The following YIPF7 variants were observed in gnomAD, a reference collection of about 807,000 sequenced individuals.
YIPF7 encodes Yip1 domain family member 7, also known as protein YIPF7.
A neutral mutation model predicts 27.2 loss-of-function variants in YIPF7; 35 were observed. The observed-to-expected ratio is 1.29, with a 90% CI of 0.98 to 1.70. The LOEUF is 1.70. Among genes scored for constraint, YIPF7 ranks in the 40% most tolerant of loss-of-function variants. The probability of loss-of-function intolerance (pLI) is 0.00; values close to 1 mark genes in which losing one functional copy is unlikely to be tolerated. For synonymous variants in YIPF7, 137 were observed against 110.4 expected (o/e 1.24, Z -1.51); for missense variants, 358 against 303.7 (o/e 1.18, Z -1.33).
chr4:44,657,399 T>C (rs1713928102), intron 2 of YIPF7, among the ~76,000 whole-genome samples: 1 of 152,186 alleles, frequency 6.6e-6, no homozygotes, highest in South Asian at 2.1e-4. Context: ...CATGACAAAA[T>C]AATGTTTTAA....
chr4:44,642,438 C>A (rs1470455207), intron 2 of YIPF7, among the ~76,000 whole-genome samples: 2 of 143,172 alleles, frequency 1.4e-5, no homozygotes, highest in Middle Eastern at 3.7e-3. Context: ...TATCTTATAT[C>A]TTTGTATACC....
chr4:44,628,561 C>G (rs1486196498), intron 4 of YIPF7, among the ~76,000 whole-genome samples: 1 of 152,088 alleles, frequency 6.6e-6, no homozygotes, highest in African/African-American at 2.4e-5. Flanking sequence ...TGAAACTATA[C>G]TTTTCAGACT....
chr4:44,654,661 T>C (rs922277577), upstream of YIPF7, among the ~76,000 whole-genome samples: 2 of 151,952 alleles, frequency 1.3e-5, no homozygotes, highest in African/African-American at 4.8e-5. Context: ...ATTCTTAAAG[T>C]CTTTACCCTT....
At chr4:44,639,706 A>G (rs1713262132) in intron 2 of YIPF7, among the ~76,000 whole-genome samples, 1 of 152,098 alleles carries the variant, frequency 6.6e-6, no homozygotes, top group Admixed American at 6.6e-5. Context: ...ATTTCTCTAG[A>G]TAAGATTTCC....
upstream of YIPF7, among the ~76,000 whole-genome samples, chr4:44,652,329 C>A (rs1331150491): frequency 6.6e-6 from 1 of 152,172 alleles, no homozygotes. Flanking sequence ...CTAATACTAT[C>A]AATTCTATCT....
At chr4:44,651,741 T>C (rs1713746510), upstream of YIPF7, 1 of 548,696 alleles carries the variant, frequency 1.8e-6, no homozygotes, top group African/African-American at 1.9e-5. Flanking sequence ...ATACAGTATC[T>C]TATAACACTT....
At chr4:44,637,631 G>A (rs1429507422) in intron 2 of YIPF7, among the ~76,000 whole-genome samples, 1 of 152,032 alleles carries the variant, frequency 6.6e-6, no homozygotes, top group East Asian at 1.9e-4. Context: ...GGGAACAGGT[G>A]GTATTTGGTT....
At chr4:44,654,785 T>A (rs1713837926), upstream of YIPF7, among the ~76,000 whole-genome samples, 1 of 151,986 alleles carries the variant, frequency 6.6e-6, no homozygotes, top group South Asian at 2.1e-4. Flanking sequence ...CTTAAATATA[T>A]CTCTCACTAA....
upstream of YIPF7, among the ~76,000 whole-genome samples, chr4:44,654,171 CTG>C (rs1333652124): frequency 6.6e-6 from 1 of 152,020 alleles, no homozygotes; most frequent in Non-Finnish European, 1.5e-5. Context: ...GGCTATAACA[CTG>C]TGTATCTATA....
At chr4:44,622,821 C>T (rs1712490279) in intron 5 of YIPF7, among the ~76,000 whole-genome samples, 2 of 152,154 alleles carry the variant, frequency 1.3e-5, no homozygotes, top group African/African-American at 4.8e-5. Context: ...TAGAAGTCAC[C>T]TGCAGTCACT....
chr4:44,642,448 C>T (rs1276411933), intron 2 of YIPF7, among the ~76,000 whole-genome samples: 1 of 92,934 alleles, frequency 1.1e-5, no homozygotes, highest in Non-Finnish European at 2.5e-5. Flanking sequence ...CTTTGTATAC[C>T]ATCACTGTAA....
chr4:44,659,957 C>CA (rs1342858080), intron 2 of YIPF7, among the ~76,000 whole-genome samples: 1 of 151,168 alleles, frequency 6.6e-6, no homozygotes, highest in East Asian at 2.0e-4. Flanking sequence ...ACTAAAAATA[C>CA]AAAAAAATTA....
intron 2 of YIPF7, among the ~76,000 whole-genome samples, chr4:44,643,380 A>C (rs1031256889): frequency 6.6e-6 from 1 of 152,194 alleles, no homozygotes; most frequent in African/African-American, 2.4e-5. Flanking sequence ...ATCTATGTTT[A>C]TATATGTGAG....
intron 3 of YIPF7, among the ~76,000 whole-genome samples, chr4:44,629,843 C>T (rs1375884373): frequency 5.9e-5 from 9 of 152,152 alleles, no homozygotes; most frequent in Non-Finnish European, 1.0e-4. Context: ...ATTTATGCAG[C>T]AAATACAAGC....
At chr4:44,659,812 A>G (rs912309465) in intron 2 of YIPF7, among the ~76,000 whole-genome samples, 1 of 152,114 alleles carries the variant, frequency 6.6e-6, no homozygotes, top group African/African-American at 2.4e-5. Flanking sequence ...ATCAGGGAAT[A>G]TACATTAAAA....
intron 2 of YIPF7, among the ~76,000 whole-genome samples, chr4:44,640,947 G>T (rs141475110): frequency 6.6e-6 from 1 of 151,902 alleles, no homozygotes; most frequent in African/African-American, 2.4e-5. Flanking sequence ...AGCTGCTTGG[G>T]TTTCAGAAAG....
At chr4:44,655,114 G>A (rs1466448661), upstream of YIPF7, among the ~76,000 whole-genome samples, 2 of 151,926 alleles carry the variant, frequency 1.3e-5, no homozygotes, top group East Asian at 3.9e-4. Flanking sequence ...AGATATATTG[G>A]CAACAATTTG....
chr4:44,660,125 A>AAAAAAAAAAAAAAC, intron 2 of YIPF7, among the ~76,000 whole-genome samples: 1 of 146,200 alleles, frequency 6.8e-6, no homozygotes, highest in Non-Finnish European at 1.5e-5. Flanking sequence ...AAAAAAAAAA[A>AAAAAAAAAAAAAAC]AAAAAAAAAA....
chr4:44,643,306 G>A (rs1056099070), intron 2 of YIPF7, among the ~76,000 whole-genome samples: 1 of 152,106 alleles, frequency 6.6e-6, no homozygotes, highest in Non-Finnish European at 1.5e-5. Flanking sequence ...ATGGTTTAGG[G>A]CATCTACTGG....
Sources: allele counts gnomAD v4.1 joint callset (sites outside exome capture counted in the v4.1 genomes callset), GRCh38; gene constraint gnomAD v4.1.1; transcripts MANE v1.5; gene names NCBI Gene and HGNC (gene_info 2026-07-23, HGNC 2026-07-21).